CDK8: variants seen among roughly 807,000 people sequenced by gnomAD.
CDK8 encodes cyclin dependent kinase 8.
Under a neutral mutation model 71.5 loss-of-function variants are expected in CDK8, and 29 were observed. The ratio of observed to expected loss-of-function variants is 0.41; its 90% CI spans 0.30 to 0.55. The LOEUF (loss-of-function observed/expected upper bound fraction) is 0.55. Among genes scored for constraint, CDK8 ranks in the 20% least tolerant of loss-of-function variants. The pLI, the probability that CDK8 is intolerant of heterozygous loss-of-function variation, is 0.37. For synonymous variants in CDK8, 161 were observed against 192.1 expected (o/e 0.84, Z 1.34); for missense variants, 288 against 572.6 (o/e 0.50, Z 5.07).
intron 1 of CDK8, among the ~76,000 whole-genome samples, chr13:26,331,902 A>G (rs1481456850): frequency 6.6e-6 from 1 of 152,168 alleles, no homozygotes; most frequent in African/African-American, 2.4e-5. Flanking sequence ...TGCTTTGGGT[A>G]GTATGGTCCT....
intron 1 of CDK8, among the ~76,000 whole-genome samples, chr13:26,292,211 C>T (rs1316457954): frequency 6.6e-6 from 1 of 151,906 alleles, no homozygotes; most frequent in Non-Finnish European, 1.5e-5. Context: ...ACATTTTTTC[C>T]AGTCATCCAG....
intron 2 of CDK8, among the ~76,000 whole-genome samples, chr13:26,348,505 A>G (rs1039798454): frequency 6.6e-6 from 1 of 152,132 alleles, no homozygotes; most frequent in African/African-American, 2.4e-5. Context: ...CTAATGCCTA[A>G]TGAATGATCT....
chr13:26,319,983 T>A (rs1874696312), intron 1 of CDK8, among the ~76,000 whole-genome samples: 1 of 152,042 alleles, frequency 6.6e-6, no homozygotes, highest in African/African-American at 2.4e-5. Context: ...GGACAGCCCT[T>A]TCAACAAACG....
intron 1 of CDK8, among the ~76,000 whole-genome samples, chr13:26,335,928 A>ACAT (rs1410746140): frequency 6.6e-6 from 1 of 151,034 alleles, no homozygotes; most frequent in Non-Finnish European, 1.5e-5. Flanking sequence ...CTTAACAACA[A>ACAT]CAACAACAAC....
At chr13:26,294,956 G>T (rs1240281132) in intron 1 of CDK8, among the ~76,000 whole-genome samples, 1 of 152,040 alleles carries the variant, frequency 6.6e-6, no homozygotes, top group African/African-American at 2.4e-5. Flanking sequence ...CACCATGTTG[G>T]CCAGGATGAT....
chr13:26,275,176 C>A (rs1365392443), intron 1 of CDK8, among the ~76,000 whole-genome samples: 1 of 152,030 alleles, frequency 6.6e-6, no homozygotes, highest in Non-Finnish European at 1.5e-5. Flanking sequence ...TGTTTTACGT[C>A]TTTTATAATA....
chr13:26,305,202 C>G (rs1395193480), intron 1 of CDK8, among the ~76,000 whole-genome samples: 1 of 152,044 alleles, frequency 6.6e-6, no homozygotes, highest in African/African-American at 2.4e-5. Flanking sequence ...TTTATTTCAC[C>G]TTTAATCTTG....
At chr13:26,376,662 T>C (rs545659412) in intron 4 of CDK8, among the ~76,000 whole-genome samples, 11 of 152,322 alleles carry the variant, frequency 7.2e-5, no homozygotes, top group African/African-American at 2.2e-4. Context: ...GATCTTTGTG[T>C]CAGTGAAAAT....
Position 26,345,355 on chromosome 13 carries a change from T to A in CDK8, c.205-3717T>A, listed in dbSNP as rs58298673. Among the ~76,000 whole-genome samples, 363 of 152,256 alleles carry A rather than the reference T, an allele frequency of 2.4e-3. 4 individuals carry two copies. Among genetic ancestry groups the A allele is most frequent in the African/African-American group, 7.9e-3 (330 of 41,564 alleles). On this transcript the variant is annotated intron_variant, in intron 2 of 12. Coordinates refer to ENST00000381527, the MANE Select transcript of CDK8 (RefSeq NM_001260.3). Reference sequence around the variant, plus strand: ...GTTAATCAGATAGATGAATTTTTTTTAATTGATATTTAATGAAGTAGATTG... The same window carrying A: ...GTTAATCAGATAGATGAATTTTTTTAAATTGATATTTAATGAAGTAGATTG...
intron 6 of CDK8, among the ~76,000 whole-genome samples, chr13:26,391,077 G>C (rs1203626345): frequency 6.6e-6 from 1 of 151,716 alleles, no homozygotes; most frequent in Non-Finnish European, 1.5e-5. Context: ...ATAATAGCCT[G>C]ATCAGCTGAC....
chr13:26,334,727 A>G (rs1053937624), intron 1 of CDK8, among the ~76,000 whole-genome samples: 1 of 152,238 alleles, frequency 6.6e-6, no homozygotes, highest in Non-Finnish European at 1.5e-5. Context: ...TATTAAATTG[A>G]CTTAAATTAA....
At chr13:26,383,987 A>G (rs1184093010) in intron 5 of CDK8, among the ~76,000 whole-genome samples, 1 of 152,202 alleles carries the variant, frequency 6.6e-6, no homozygotes, top group East Asian at 1.9e-4. Flanking sequence ...ATTCAAATGT[A>G]AGTTCAAAGC....
chr13:26,379,989 A>G (rs1875139980), intron 4 of CDK8, among the ~76,000 whole-genome samples: 1 of 152,238 alleles, frequency 6.6e-6, no homozygotes, highest in South Asian at 2.1e-4. Flanking sequence ...GCGATGACAT[A>G]GTTGTGAAAG....
In CDK8 at chr13:26,403,840, G is replaced by A. The variant is rs1281067640; in HGVS notation, c.1270-116G>A. On this transcript the variant is annotated intron_variant, in intron 12 of 12. Coordinates refer to ENST00000381527, the MANE Select transcript of CDK8 (RefSeq NM_001260.3). ...TCTTTAATTATAAAGTTAGTACATA[G>A]CACAAAACCTATACATCCTTTCTTC... 8 of 1,282,852 alleles carry A rather than the reference G, an allele frequency of 6.2e-6. No homozygotes were observed. In the East Asian group the frequency reaches 1.6e-4, roughly 26 times the overall value. 79.5% of individuals were successfully genotyped at this position (1,282,852 alleles called of 1,614,324 possible).
chr13:26,328,619 CCTTT>C (rs1875134867), intron 1 of CDK8, among the ~76,000 whole-genome samples: 1 of 152,234 alleles, frequency 6.6e-6, no homozygotes, highest in East Asian at 1.9e-4. Context: ...ATTACTGATC[CCTTT>C]CTAAGTGATT....
At chr13:26,290,411 T>C (rs952108622) in intron 1 of CDK8, among the ~76,000 whole-genome samples, 15 of 152,270 alleles carry the variant, frequency 9.9e-5, no homozygotes, top group African/African-American at 3.6e-4. Flanking sequence ...AACAGATATG[T>C]AGTTGTAATA....
At chr13:26,324,874 AT>A in intron 1 of CDK8, 1 of 460,016 alleles carries the variant, frequency 2.2e-6, no homozygotes, top group South Asian at 9.3e-5. Context: ...ATGTACTGTA[AT>A]TTTATAACTG....
chr13:26,334,807 C>T (rs1473772846), intron 1 of CDK8, among the ~76,000 whole-genome samples: 1 of 152,178 alleles, frequency 6.6e-6, no homozygotes, highest in African/African-American at 2.4e-5. Flanking sequence ...AGTGCTATCA[C>T]GTCTGCCCTT....
At chr13:26,319,914 C>T (rs538185787) in intron 1 of CDK8, among the ~76,000 whole-genome samples, 2 of 152,116 alleles carry the variant, frequency 1.3e-5, no homozygotes, top group Non-Finnish European at 2.9e-5. Context: ...GAAATGAACT[C>T]TTGCATATAT....
Sources: gnomAD v4.1 joint callset for allele counts (sites outside exome capture counted in the v4.1 genomes callset) on GRCh38, gnomAD v4.1.1 for gene constraint, MANE v1.5 for transcripts, NCBI Gene and HGNC (gene_info 2026-07-23, HGNC 2026-07-21) for gene names.